ADAMTS9: variants seen among roughly 807,000 people sequenced by gnomAD.
The protein encoded by ADAMTS9 is ADAM metallopeptidase with thrombospondin type 1 motif 9.
In ADAMTS9, 107 loss-of-function variants were observed where a neutral mutation model predicts 257.1. That is an observed-to-expected ratio of 0.42 (90% CI 0.36 to 0.49). The LOEUF is 0.49. Ranked by LOEUF, ADAMTS9 falls within the 20% of genes least tolerant of loss-of-function variation. The pLI is 0.03. For missense variants in ADAMTS9, 2,353 were observed against 2,469.1 expected (o/e 0.95, Z 1.00); for synonymous variants, 982 against 880.9 (o/e 1.11, Z -2.03).
chr3:64,649,696 T>C lies in ADAMTS9; in HGVS notation c.1546A>G (p.Asn516Asp). Residue 516 changes from asparagine (N) to aspartate (D), a missense_variant, in exon 10 of 40, where the codon AAC (asparagine) becomes GAC (aspartate). Physicochemically the swap from Asn to Asp is conservative, Grantham distance 23. Around this residue, in one of 3 missense-constraint regions of ADAMTS9, gnomAD observed 360 missense variants for 458.1 expected, o/e 0.79. Transcript: ENST00000498707. ...ATCAATTCACATTGTTTATTCACGTTGTAAAGGATGCCTGGCAGTTGGACA... is the reference window on the plus strand; with the variant it reads ...ATCAATTCACATTGTTTATTCACGTCGTAAAGGATGCCTGGCAGTTGGACA... The part of the protein sequence containing the change: ...LPVQLPGILY[N>D]VNKQCELIFG... 1 of 1,613,942 alleles carries C rather than the reference T, an allele frequency of 6.2e-7. No homozygotes were observed. Among genetic ancestry groups the C allele is most frequent in the Non-Finnish European group, 8.5e-7 (1 of 1,179,948 alleles).
chr3:64,522,390 C>T, intron 38 of ADAMTS9, 130 bp from the exon 39 acceptor site: 2 of 744,332 alleles, frequency 2.7e-6, no homozygotes, highest in Non-Finnish European at 4.5e-6. Flanking sequence ...GCCCAACATA[C>T]TCACCATGGT....
At position 64,678,056 on chromosome 3, in the gene ADAMTS9, T is replaced by A. The variant is rs116799521; in HGVS notation, c.679+3145A>T. ...CCATCTGCGTGTGAAAGTGTCACAG[T>A]CATTGTGTCTTGCCCTGCTCCTACT... On this transcript the variant is annotated intron_variant, in intron 3 of 39. Coordinates refer to ENST00000498707, the MANE Select transcript of ADAMTS9 (RefSeq NM_182920.2). 3.6e-3 allele frequency among the ~76,000 whole-genome samples: 548 copies of A among 152,258 alleles called. 1 individual carries two copies. Among genetic ancestry groups the A allele is most frequent in the African/African-American group, 0.013 (532 of 41,540 alleles).
chr3:64,523,179 T>C (rs1429164367), intron 38 of ADAMTS9, among the ~76,000 whole-genome samples: 1 of 152,154 alleles, frequency 6.6e-6, no homozygotes, highest in East Asian at 1.9e-4. Flanking sequence ...TTAACTACTC[T>C]TTTGGCAAGG....
chr3:64,672,838 G>C (rs770896564), intron 3 of ADAMTS9, among the ~76,000 whole-genome samples: 1 of 152,188 alleles, frequency 6.6e-6, no homozygotes, highest in Non-Finnish European at 1.5e-5. Context: ...TTTAAGGATA[G>C]AAAAGGTAGT....
Position 64,686,783 on chromosome 3 carries a change from G to A in ADAMTS9, c.301C>T (p.Arg101Cys). The A allele has an allele frequency of 1.2e-6, 2 of 1,614,130 alleles. No individual in the cohort carries two copies. Among genetic ancestry groups the A allele is most frequent in the Non-Finnish European group, 1.7e-6 (2 of 1,180,018 alleles). Residue 101 changes from arginine (R) to cysteine (C), a missense_variant, in exon 2 of 40, where the codon CGC (arginine) becomes TGC (cysteine). By Grantham distance (180) the Arg-to-Cys change is radical. Transcript: ENST00000498707. The surrounding 1 kb of genome is among the most constrained non-coding windows in gnomAD (Gnocchi z 4.6). Reference protein sequence around the residue: ...SSSTSSQAHYRLSAFGQQFLF... With the variant: ...SSSTSSQAHYCLSAFGQQFLF... ...AACTGCTGGCCGAAGGCAGAGAGGC[G>A]GTAATGCGCCTGGGAGGAGGTAGAG... is the stretch of plus-strand genomic sequence containing the variant.
rs543242951 is a variant in ADAMTS9, at chr3:64,666,874, G to A, written c.680-8083C>T. Among the ~76,000 whole-genome samples the A allele has an allele frequency of 2.0e-5, 3 of 152,288 alleles. No individual in the cohort carries two copies. The South Asian group carries it at 6.2e-4, about 32-fold the overall frequency. ...TTTTAGAAAGAATCTTTGATGGGGT[G>A]CAGTGGATCCTCCTGTAATCCCAGA... On this transcript the variant is annotated intron_variant, in intron 3 of 39. Coordinates refer to ENST00000498707, the MANE Select transcript of ADAMTS9 (RefSeq NM_182920.2).
At chr3:64,641,560 G>C (rs1260548276) in intron 12 of ADAMTS9, among the ~76,000 whole-genome samples, 9 of 146,652 alleles carry the variant, frequency 6.1e-5, no homozygotes, top group East Asian at 4.1e-4. Context: ...GTAGCAGGGA[G>C]AGTGAGACCT....
rs1553698609 is a variant in ADAMTS9, at chr3:64,516,944, C to A, written c.*183G>T. On this transcript the variant is annotated 3_prime_UTR_variant, in exon 40 of 40. Transcript: ENST00000498707. ...GATAGTCTACATATCTACATACACACATATATGTGTATATATGTATGTGTA... is the reference window on the plus strand; with the variant it reads ...GATAGTCTACATATCTACATACACAAATATATGTGTATATATGTATGTGTA... 1 of 152,446 alleles carries A rather than the reference C, an allele frequency of 6.6e-6. No homozygotes were observed. The highest frequency in any genetic ancestry group is 1.5e-5 in the Non-Finnish European group (1 of 68,032). The allele number at this position is 152,446 out of a possible 1,614,324, so 9.4% of individuals were successfully genotyped here.
chr3:64,573,025 T>C (rs1340985142), intron 28 of ADAMTS9, among the ~76,000 whole-genome samples: 2 of 137,592 alleles, frequency 1.5e-5, no homozygotes, highest in African/African-American at 2.8e-5. Flanking sequence ...TTGCAGTGAG[T>C]CAAGATCCTC....
rs143545672 is a variant in ADAMTS9 at position 64,541,147 on chromosome 3, C to A, written c.5469G>T (p.Gly1823=). Residue 1823 remains glycine (G), a synonymous_variant, in exon 36 of 40, where the codon GGG becomes GGT. Coordinates refer to ENST00000498707, the MANE Select transcript of ADAMTS9 (RefSeq NM_182920.2). The part of the protein sequence containing the change: ...CQCRKDYTAA[G]FSSFQKIRID... ...TTCTGATTTTCTGAAAACTGGAAAA[C>A]CCAGCGGCCGTGTAATCCTTCCGAC... 2 of 1,614,188 alleles carry A rather than the reference C, an allele frequency of 1.2e-6. No individual in the cohort carries two copies. Among genetic ancestry groups the A allele is most frequent in the Non-Finnish European group, 1.7e-6 (2 of 1,180,022 alleles).
intron 31 of ADAMTS9, chr3:64,550,422 A>T (rs539944462): frequency 8.4e-4 from 129 of 152,904 alleles, no homozygotes; most frequent in Admixed American, 2.5e-3. Flanking sequence ...TTGAAAAATC[A>T]GGTCTGGTAA....
intron 22 of ADAMTS9, among the ~76,000 whole-genome samples, chr3:64,608,166 T>G (rs923528656): frequency 2.6e-4 from 27 of 104,444 alleles, no homozygotes; most frequent in Admixed American, 7.7e-4. Flanking sequence ...ACACCTACAC[T>G]AATAAAGAAA....
intron 23 of ADAMTS9, among the ~76,000 whole-genome samples, chr3:64,605,127 G>A (rs558938663): frequency 2.6e-5 from 4 of 152,260 alleles, no homozygotes; most frequent in Admixed American, 6.5e-5. Flanking sequence ...ATTTTGTTAC[G>A]TGGCTCCAGA....
rs1575989304 is a variant in ADAMTS9 at position 64,535,830 on chromosome 3, A to C, written c.5614-2560T>G. ...AGTGCTGGGATTACAGGCATGACCCACCGCACCTGCCACCCCCTCCCCCCA... is the reference window on the plus strand; with the variant it reads ...AGTGCTGGGATTACAGGCATGACCCCCCGCACCTGCCACCCCCTCCCCCCA... On this transcript the variant is annotated intron_variant, in intron 37 of 39. Coordinates refer to ENST00000498707, the MANE Select transcript of ADAMTS9 (RefSeq NM_182920.2). Among the ~76,000 whole-genome samples the C allele has an allele frequency of 5.3e-5, 8 of 151,986 alleles. 1 individual carries two copies. The highest frequency in any genetic ancestry group is 5.2e-4 in the Admixed American group (8 of 15,272).
intron 16 of ADAMTS9, 76 bp from the exon 17 acceptor site, chr3:64,622,662 G>C (rs963970200): frequency 7.3e-6 from 11 of 1,511,080 alleles, no homozygotes; most frequent in Non-Finnish European, 1.0e-5. Flanking sequence ...GTAACATCTG[G>C]ATAGGTAGAG....
chr3:64,533,438 C>T (rs558107614), intron 37 of ADAMTS9, among the ~76,000 whole-genome samples, 168 bp from the exon 38 acceptor site: 11 of 152,298 alleles, frequency 7.2e-5, no homozygotes, highest in African/African-American at 2.6e-4. Flanking sequence ...CAGGGCCAGC[C>T]ATTCTTCATG....
chr3:64,641,927 T>C lies in ADAMTS9; in HGVS notation c.1777A>G (p.Ser593Gly), dbSNP rs1700654379. ...DVPVTDGSWG[S>G]WSPFGTCSRT... ...GAGCAGGTTCCAAAGGGACTCCAACTTCCCCAGGATCCATCTGTCACGGGG... is the reference window on the plus strand; with the variant it reads ...GAGCAGGTTCCAAAGGGACTCCAACCTCCCCAGGATCCATCTGTCACGGGG... Residue 593 changes from serine (S) to glycine (G), a missense_variant, in exon 12 of 40, where the codon AGT becomes GGT. Physicochemically the swap from Ser to Gly is moderately conservative, Grantham distance 56. This residue lies in a region of ADAMTS9 where 360 missense variants were observed against 458.1 expected (regional missense o/e 0.79). Coordinates refer to ENST00000498707, the MANE Select transcript of ADAMTS9 (RefSeq NM_182920.2). The C allele has an allele frequency of 1.2e-6, 2 of 1,613,986 alleles. No individual in the cohort carries two copies. The highest frequency in any genetic ancestry group is 3.3e-5 in the Admixed American group (2 of 60,002).
At chr3:64,539,155 A>T in intron 37 of ADAMTS9, 48 bp downstream of exon 37, 1 of 1,531,040 alleles carries the variant, frequency 6.5e-7, no homozygotes, top group Non-Finnish European at 9.1e-7. Flanking sequence ...GTTCCCGGGA[A>T]AGGTGGGAGG....
At chr3:64,602,468 T>C (rs1341058213) in intron 25 of ADAMTS9, among the ~76,000 whole-genome samples, 1 of 152,172 alleles carries the variant, frequency 6.6e-6, no homozygotes, top group Non-Finnish European at 1.5e-5. Flanking sequence ...TCCAGTGATT[T>C]TCCAACTCAT....
Sources: gnomAD v4.1 joint callset for allele counts (sites outside exome capture counted in the v4.1 genomes callset) on GRCh38, gnomAD v4.1.1 for gene constraint, gnomAD v4.1.1 regional missense constraint, Gnocchi (gnomAD v3.1) non-coding constraint, MANE v1.5 for transcripts, NCBI Gene and HGNC (gene_info 2026-07-23, HGNC 2026-07-21) for gene names.